KATNAL1: variants seen among roughly 807,000 people sequenced by gnomAD.
KATNAL1 encodes the protein katanin catalytic subunit A1 like 1.
A neutral mutation model predicts 55.2 loss-of-function variants in KATNAL1; 32 were observed. The observed-to-expected ratio is 0.58, with a 90% CI of 0.44 to 0.78. The LOEUF is 0.78. KATNAL1 is among the 30% of genes least tolerant of loss of function. The pLI is 0.00. For synonymous variants in KATNAL1, 193 were observed against 193.6 expected (o/e 1.00, Z 0.02); for missense variants, 466 against 600.9 (o/e 0.78, Z 2.35).
chr13:30,229,913 T>C (rs1428741382), intron 8 of KATNAL1, among the ~76,000 whole-genome samples: 1 of 150,468 alleles, frequency 6.6e-6, no homozygotes, highest in Non-Finnish European at 1.5e-5. Context: ...TTATGAAAAG[T>C]ATGTTTTCCA....
Position 30,230,502 on chromosome 13 carries a change from G to A in KATNAL1, c.978C>T (p.Arg326=). 6.2e-7 allele frequency: 1 copy of A among 1,613,426 alleles called. No homozygotes were observed. The highest frequency in any genetic ancestry group is 1.3e-5 in the African/African-American group (1 of 75,020). ...GAATGAGCAGTTCAGACTTGACCCT[G>A]CGACTTGCCTCATGTTCATCAGAGG... ...RGTSDEHEAS[R]RVKSELLIQM... The change falls in exon 8 of 11, where the codon CGC becomes CGT. Residue 326 remains arginine, a synonymous_variant. Coordinates refer to ENST00000380615, the MANE Select transcript of KATNAL1 (RefSeq NM_032116.5).
chr13:30,274,907 G>GCGCGCGTGCGCGCGCACACACACACACA (rs869107567), intron 3 of KATNAL1, among the ~76,000 whole-genome samples: 1 of 105,390 alleles, frequency 9.5e-6, no homozygotes, highest in Non-Finnish European at 1.9e-5. Flanking sequence ...GCGCGCGCGC[G>GCGCGCGTGCGCGCGCACACACACACACA]CACACACACA....
intron 9 of KATNAL1, among the ~76,000 whole-genome samples, chr13:30,215,488 T>C (rs1429768290): frequency 2.0e-5 from 3 of 152,244 alleles, no homozygotes; most frequent in Admixed American, 2.0e-4. Context: ...ATGTTTATTG[T>C]GGCATTATTC....
chr13:30,245,527 C>A (rs1877702090), intron 4 of KATNAL1, among the ~76,000 whole-genome samples: 1 of 152,146 alleles, frequency 6.6e-6, no homozygotes. Flanking sequence ...CACTCCTATT[C>A]AACACAGTAT....
intron 2 of KATNAL1, among the ~76,000 whole-genome samples, chr13:30,283,194 G>T (rs1247877305): frequency 6.9e-6 from 1 of 144,746 alleles, no homozygotes; most frequent in Admixed American, 7.3e-5. Flanking sequence ...TTGAACCTGG[G>T]AGGCAGAGGT....
In KATNAL1 at chr13:30,307,420, C is replaced by A; in HGVS notation, c.-104G>T. The A allele has an allele frequency of 1.9e-5, 3 of 154,246 alleles. No individual in the cohort carries two copies. In the South Asian group the frequency reaches 5.8e-4, roughly 30 times the overall value. 9.6% of individuals were successfully genotyped at this position (154,246 alleles called of 1,614,324 possible). A position where few individuals can be genotyped will look rare whatever the true frequency, so the allele number is the denominator to read the frequency against. ...GCCGCCGCCGCCGCCGCCGCCGAGT[C>A]CGTTAGCTCGCGACGTGCGTGAAAA... On this transcript the variant is annotated 5_prime_UTR_variant, in exon 1 of 11. Coordinates refer to ENST00000380615, the MANE Select transcript of KATNAL1 (RefSeq NM_032116.5).
At chr13:30,236,196 C>T (rs1876663376) in intron 6 of KATNAL1, among the ~76,000 whole-genome samples, 1 of 152,116 alleles carries the variant, frequency 6.6e-6, no homozygotes, top group South Asian at 2.1e-4. Context: ...TCCCTAAGTT[C>T]TGTGAGTCAT....
rs961974083 is a variant in KATNAL1, at chr13:30,202,746, T to C, written c.*5794A>G. On this transcript the variant is annotated 3_prime_UTR_variant, in exon 11 of 11. Transcript: ENST00000380615. ...GGTAAGGAAAAACACATTTAATAAA[T>C]ACAACTTGGAAACGTCTTTTTCTTT... The C allele has an allele frequency of 6.6e-6, 1 of 152,138 alleles. No individual in the cohort carries two copies. The highest frequency in any genetic ancestry group is 1.5e-5 in the Non-Finnish European group (1 of 68,014). The allele number at this position is 152,138 out of a possible 1,614,324, so 9.4% of individuals were successfully genotyped here.
At chr13:30,296,500 A>G in intron 1 of KATNAL1, 2 of 733,644 alleles carry the variant, frequency 2.7e-6, no homozygotes, top group Non-Finnish European at 5.1e-6. Context: ...CTGAAAACAG[A>G]TGAGTGCATT....
Position 30,227,624 on chromosome 13 carries a change from G to A in KATNAL1, c.1013-78C>T, listed in dbSNP as rs144481093. The A allele has an allele frequency of 1.1e-4, 162 of 1,488,018 alleles. No homozygotes were observed. The East Asian group carries it at 3.7e-3, about 34-fold the overall frequency. 92.2% of individuals were successfully genotyped at this position (1,488,018 alleles called of 1,614,324 possible). ...TTTCATTCAATTAACATTTCTTTTA[G>A]CCAAAGTGGCAGAATCAACGATAAA... On this transcript the variant is annotated intron_variant, in intron 8 of 10. Transcript: ENST00000380615.
intron 6 of KATNAL1, among the ~76,000 whole-genome samples, chr13:30,237,888 C>T (rs574117578): frequency 3.4e-4 from 52 of 152,278 alleles, no homozygotes; most frequent in African/African-American, 1.3e-3. Context: ...ATCTTTGCCC[C>T]TGCCTTCTTG....
intron 4 of KATNAL1, among the ~76,000 whole-genome samples, chr13:30,244,087 C>A (rs1006552131): frequency 3.9e-5 from 6 of 152,092 alleles, no homozygotes; most frequent in Admixed American, 6.6e-5. Flanking sequence ...CCTAGTCCCC[C>A]ACCCCCCAAC....
chr13:30,208,463 C>T lies in KATNAL1; in HGVS notation c.*77G>A. 7.6e-7 allele frequency: 1 copy of T among 1,315,932 alleles called. No homozygotes were observed. The highest frequency in any genetic ancestry group is 1.0e-6 in the Non-Finnish European group (1 of 984,906). 81.5% of individuals were successfully genotyped at this position (1,315,932 alleles called of 1,614,324 possible). A position where few individuals can be genotyped will look rare whatever the true frequency, so the allele number is the denominator to read the frequency against. ...CCACTCCACTGAAAAAAATTCCAAA[C>T]TTGTTTTTTAAAAATTGCAGGAATT... On this transcript the variant is annotated 3_prime_UTR_variant, in exon 11 of 11. Coordinates refer to ENST00000380615, the MANE Select transcript of KATNAL1 (RefSeq NM_032116.5).
chr13:30,269,688 C>G (rs1050831766), intron 3 of KATNAL1, among the ~76,000 whole-genome samples: 1 of 151,644 alleles, frequency 6.6e-6, no homozygotes. Context: ...CGGCCGCGAC[C>G]CCGTCTGGGA....
At chr13:30,288,858 T>C (rs924991574) in intron 1 of KATNAL1, among the ~76,000 whole-genome samples, 5 of 152,230 alleles carry the variant, frequency 3.3e-5, no homozygotes, top group African/African-American at 1.2e-4. Context: ...AATGGTTAAG[T>C]CCACAAGAGC....
chr13:30,223,163 A>G (rs1566089833), intron 9 of KATNAL1, among the ~76,000 whole-genome samples: 1 of 151,520 alleles, frequency 6.6e-6, no homozygotes, highest in Admixed American at 6.6e-5. Context: ...TGTCTATAAA[A>G]ACTGCACTGT....
At chr13:30,247,884 G>T (rs1178512894) in intron 4 of KATNAL1, among the ~76,000 whole-genome samples, 1 of 152,144 alleles carries the variant, frequency 6.6e-6, no homozygotes, top group African/African-American at 2.4e-5. Context: ...TACACTTTCT[G>T]TAGTATACAG....
chr13:30,231,287 T>G, intron 7 of KATNAL1, 27 bp downstream of exon 7: 1 of 1,585,888 alleles, frequency 6.3e-7, no homozygotes, highest in Non-Finnish European at 8.6e-7. Context: ...ACACACTACT[T>G]TGAAATCTGA....
intron 4 of KATNAL1, among the ~76,000 whole-genome samples, chr13:30,242,423 A>G (rs950887972): frequency 6.6e-6 from 1 of 152,214 alleles, no homozygotes; most frequent in Non-Finnish European, 1.5e-5. Flanking sequence ...CGTGCAATAC[A>G]TGCTATTGTG....
Sources: gnomAD v4.1 joint callset for allele counts (sites outside exome capture counted in the v4.1 genomes callset) on GRCh38, gnomAD v4.1.1 for gene constraint, MANE v1.5 for transcripts, NCBI Gene and HGNC (gene_info 2026-07-23, HGNC 2026-07-21) for gene names.